Variants in HAPLN1 observed in about 807,000 individuals in gnomAD.
The protein encoded by HAPLN1 is Cartilage link protein.
In HAPLN1, 13 loss-of-function variants were observed where a neutral mutation model predicts 36.5. That is an observed-to-expected ratio of 0.36 (90% confidence interval 0.23 to 0.57). The LOEUF is 0.57. HAPLN1 is among the 20% of genes least tolerant of loss of function. The pLI, the probability that HAPLN1 is intolerant of heterozygous loss-of-function variation, is 0.83. For missense variants in HAPLN1, 407 were observed against 439.7 expected, an observed-to-expected ratio of 0.93 and a Z score of 0.66; for synonymous variants, 202 against 169.8, an observed-to-expected ratio of 1.19 and a Z score of -1.48.
chr5:83,645,555 A>G (rs1481541038), intron 3 of HAPLN1, among the ~76,000 whole-genome samples: 1 of 144,004 alleles, frequency 6.9e-6, no homozygotes, highest in African/African-American at 2.6e-5. Flanking sequence ...TCTTCTTCCA[A>G]TGTGGCCGAG....
At chr5:83,648,431 A>ATATATATT (rs1749945456) in intron 3 of HAPLN1, among the ~76,000 whole-genome samples, 2 of 133,526 alleles carry the variant, frequency 1.5e-5, no homozygotes, top group African/African-American at 5.7e-5. Flanking sequence ...ATATATATAT[A>ATATATATT]TATATATGGT....
chr5:83,685,998 TAGG>T (rs1235686029), intron 1 of HAPLN1: 3 of 152,080 alleles, frequency 2.0e-5, no homozygotes, highest in African/African-American at 7.2e-5. Context: ...AGTCCATTTG[TAGG>T]AGAACATAAA....
At chr5:83,712,374 T>G (rs932112585) in intron 1 of HAPLN1, among the ~76,000 whole-genome samples, 1 of 152,166 alleles carries the variant, frequency 6.6e-6, no homozygotes, top group Non-Finnish European at 1.5e-5. Flanking sequence ...ACATAAAAAG[T>G]TTAATTTTCT....
At chr5:83,675,693 G>A (rs13168731) in intron 1 of HAPLN1, among the ~76,000 whole-genome samples, 82,308 of 151,908 alleles carry the variant, frequency 0.54, 22,653 homozygotes, top group African/African-American at 0.64. Flanking sequence ...AATTGTAAAC[G>A]TCTTGAGTGC....
At chr5:83,668,759 G>T (rs530349670) in intron 2 of HAPLN1, among the ~76,000 whole-genome samples, 49 of 152,278 alleles carry the variant, frequency 3.2e-4, no homozygotes, top group African/African-American at 1.2e-3. Flanking sequence ...TCTATAGTTG[G>T]AGTTAGTTAC....
At chr5:83,650,121 T>A (rs1750010715) in intron 3 of HAPLN1, among the ~76,000 whole-genome samples, 2 of 152,188 alleles carry the variant, frequency 1.3e-5, no homozygotes, top group African/African-American at 4.8e-5. Flanking sequence ...TCCTGTTTTT[T>A]TAAAGCCTCT....
At chr5:83,678,505 A>T (rs1750915384) in intron 1 of HAPLN1, among the ~76,000 whole-genome samples, 1 of 152,134 alleles carries the variant, frequency 6.6e-6, no homozygotes, top group Admixed American at 6.6e-5. Flanking sequence ...TAAGGTTACG[A>T]TAGTTGTCAT....
At chr5:83,703,042 G>T (rs1208800171) in intron 1 of HAPLN1, among the ~76,000 whole-genome samples, 2 of 152,124 alleles carry the variant, frequency 1.3e-5, no homozygotes, top group Admixed American at 1.3e-4. Flanking sequence ...ATGCCTGGGT[G>T]TGGGTGTTTT....
intron 2 of HAPLN1, among the ~76,000 whole-genome samples, chr5:83,653,953 T>C (rs1348095488): frequency 2.0e-5 from 3 of 152,272 alleles, no homozygotes; most frequent in Non-Finnish European, 2.9e-5. Context: ...TTTTAATAGC[T>C]ACCAAAGCTG....
At chr5:83,689,905 C>G (rs1265442203) in intron 1 of HAPLN1, among the ~76,000 whole-genome samples, 2 of 151,918 alleles carry the variant, frequency 1.3e-5, no homozygotes, top group African/African-American at 2.4e-5. Context: ...TCTGAAGGGT[C>G]AGAGATAGGA....
At chr5:83,702,431 G>T (rs984206025) in intron 1 of HAPLN1, among the ~76,000 whole-genome samples, 1 of 152,110 alleles carries the variant, frequency 6.6e-6, no homozygotes, top group Non-Finnish European at 1.5e-5. Flanking sequence ...TTAGCAATAA[G>T]ACTGTAGAGC....
chr5:83,664,264 A>G (rs1750494267), intron 2 of HAPLN1, among the ~76,000 whole-genome samples: 1 of 152,148 alleles, frequency 6.6e-6, no homozygotes, highest in Non-Finnish European at 1.5e-5. Flanking sequence ...CTCATTATTC[A>G]GATCTCAGCT....
At chr5:83,700,672 G>A (rs1465981456) in intron 1 of HAPLN1, among the ~76,000 whole-genome samples, 2 of 147,296 alleles carry the variant, frequency 1.4e-5, no homozygotes, top group Non-Finnish European at 3.0e-5. Context: ...TTACTTTTAG[G>A]CAGCTAATGC....
chr5:83,715,830 A>C (rs1404406507), intron 1 of HAPLN1, among the ~76,000 whole-genome samples: 3 of 152,120 alleles, frequency 2.0e-5, no homozygotes, highest in African/African-American at 7.2e-5. Context: ...CATGCTCAAA[A>C]TTTTCTTAAT....
In HAPLN1 at chr5:83,687,062, C is replaced by T. The variant is rs368791045; in HGVS notation, c.-26-13513G>A. Among the ~76,000 whole-genome samples, 75 of 152,102 alleles carry T rather than the reference C, an allele frequency of 4.9e-4. No individual in the cohort carries two copies. The South Asian group carries it at 0.013, about 27-fold the overall frequency. Reference sequence around the variant, plus strand: ...CAAAAGGAAATGCACTCAAAAATTACGAAATATGTAAAACAAAACTGATAT... The same window carrying T: ...CAAAAGGAAATGCACTCAAAAATTATGAAATATGTAAAACAAAACTGATAT... On this transcript the variant is annotated intron_variant, in intron 1 of 4. Coordinates refer to ENST00000274341, the MANE Select transcript of HAPLN1 (RefSeq NM_001884.4).
Position 83,641,282 on chromosome 5 carries a change from G to A in HAPLN1, c.*214C>T, listed in dbSNP as rs1749684761. 2 of 254,680 alleles carry A rather than the reference G, an allele frequency of 7.9e-6. No individual in the cohort carries two copies. The highest frequency in any genetic ancestry group is 1.4e-5 in the Non-Finnish European group (2 of 139,694). 15.8% of individuals were successfully genotyped at this position (254,680 alleles called of 1,614,324 possible). A position where few individuals can be genotyped will look rare whatever the true frequency, so the allele number is the denominator to read the frequency against. On this transcript the variant is annotated 3_prime_UTR_variant, in exon 5 of 5. Coordinates refer to ENST00000274341, the MANE Select transcript of HAPLN1 (RefSeq NM_001884.4). ...TTGGCTCTAAGTCTCCTTACATAGA[G>A]CTTCCCTTAAATTTATATTAATTTA...
chr5:83,677,101 G>A (rs1392660224), intron 1 of HAPLN1, among the ~76,000 whole-genome samples: 2 of 152,074 alleles, frequency 1.3e-5, no homozygotes, highest in African/African-American at 4.8e-5. Flanking sequence ...TAGGTAATGG[G>A]GAGATCAAAC....
intron 1 of HAPLN1, among the ~76,000 whole-genome samples, chr5:83,689,930 A>G (rs920415282): frequency 2.0e-5 from 3 of 152,130 alleles, no homozygotes; most frequent in Non-Finnish European, 4.4e-5. Flanking sequence ...TTATATGAAC[A>G]AACAAAATAT....
chr5:83,705,183 A>G (rs1751610711), intron 1 of HAPLN1, among the ~76,000 whole-genome samples: 1 of 152,206 alleles, frequency 6.6e-6, no homozygotes, highest in South Asian at 2.1e-4. Flanking sequence ...TGAGGTCAGG[A>G]GTTTAAGACC....
Sources: gnomAD v4.1 joint callset for allele counts (sites outside exome capture counted in the v4.1 genomes callset) on GRCh38, gnomAD v4.1.1 for gene constraint, MANE v1.5 for transcripts, NCBI Gene and HGNC (gene_info 2026-07-23, HGNC 2026-07-21) for gene names.